ELMOD3: variants seen among roughly 807,000 people sequenced by gnomAD.
ELMOD3 encodes ELMO domain-containing protein 3.
ELMOD3 carries 36 observed loss-of-function variants against 47.4 expected under a neutral mutation model. That is an observed-to-expected ratio of 0.76 (90% confidence interval 0.58 to 1.00). ELMOD3 has a LOEUF of 1.00. Among genes scored for constraint, ELMOD3 ranks in the 50% least tolerant of loss-of-function variants. The pLI, the probability that ELMOD3 is intolerant of heterozygous loss-of-function variation, is 0.00. For synonymous variants in ELMOD3, 149 were observed against 183.5 expected, an observed-to-expected ratio of 0.81 and a Z score of 1.52; for missense variants, 404 against 463.8, an observed-to-expected ratio of 0.87 and a Z score of 1.18.
chr2:85,369,638 G>A (rs778271812), intron 7 of ELMOD3, 101 bp from the exon 8 acceptor site: 10 of 1,222,768 alleles, frequency 8.2e-6, no homozygotes, highest in Non-Finnish European at 1.2e-5. Flanking sequence ...TCAACTGGAA[G>A]CCAGTGCTTG....
chr2:85,367,339 C>G (rs1156231356), intron 6 of ELMOD3, among the ~76,000 whole-genome samples: 3 of 152,172 alleles, frequency 2.0e-5, no homozygotes, highest in Non-Finnish European at 4.4e-5. Flanking sequence ...GGAGCTGCAC[C>G]AGCAGGGGTT....
At chr2:85,366,731 T>C (rs1684414518) in intron 6 of ELMOD3, among the ~76,000 whole-genome samples, 1 of 152,366 alleles carries the variant, frequency 6.6e-6, no homozygotes, top group Non-Finnish European at 1.5e-5. Flanking sequence ...TCCCAGCCGC[T>C]TTCTCTTCCT....
chr2:85,372,180 TA>T (rs1334336351), intron 10 of ELMOD3: 3 of 150,460 alleles, frequency 2.0e-5, no homozygotes, highest in Non-Finnish European at 4.4e-5. Context: ...GAAAAAAAAT[TA>T]AAAATAAAAA....
At chr2:85,385,832 G>A (rs145200589) in intron 11 of ELMOD3, among the ~76,000 whole-genome samples, 171 of 152,196 alleles carry the variant, frequency 1.1e-3, no homozygotes, top group African/African-American at 4.0e-3. Context: ...TTCCAGTGAG[G>A]GCTTTTGTAG....
At chr2:85,387,038 AG>A in intron 11 of ELMOD3, 1 of 1,269,804 alleles carries the variant, frequency 7.9e-7, no homozygotes, top group Non-Finnish European at 1.0e-6. Context: ...ATGAACACTA[AG>A]TTCAGGTCCT....
At chr2:85,364,645 CTGAG>C (rs141003312) in intron 6 of ELMOD3, among the ~76,000 whole-genome samples, 2,547 of 151,212 alleles carry the variant, frequency 0.017, 25 homozygotes, top group Non-Finnish European at 0.023. Context: ...CCTTATCCTC[CTGAG>C]TATCTGGGAA....
chr2:85,364,388 A>C (rs1032230320), intron 6 of ELMOD3, among the ~76,000 whole-genome samples: 8 of 152,008 alleles, frequency 5.3e-5, no homozygotes, highest in African/African-American at 1.9e-4. Flanking sequence ...GTTCAAGACC[A>C]GCCTGACCAA....
intron 11 of ELMOD3, among the ~76,000 whole-genome samples, chr2:85,382,939 G>GAAA (rs58812415): frequency 8.4e-6 from 1 of 118,612 alleles, no homozygotes; most frequent in African/African-American, 2.9e-5. Flanking sequence ...CCAGAAGCAG[G>GAAA]AAAAAAAAAA....
intron 11 of ELMOD3, among the ~76,000 whole-genome samples, chr2:85,378,692 C>G (rs1237462970): frequency 6.6e-6 from 1 of 152,226 alleles, no homozygotes; most frequent in Non-Finnish European, 1.5e-5. Flanking sequence ...TAAGCAGTTC[C>G]TGGCTTGACA....
chr2:85,355,903 T>C (rs1269044550), intron 3 of ELMOD3: 1 of 152,238 alleles, frequency 6.6e-6, no homozygotes, highest in Non-Finnish European at 1.5e-5. Flanking sequence ...GGAGGTATTC[T>C]TCCTCTCAGT....
At chr2:85,386,785 C>A (rs528728292) in intron 11 of ELMOD3, among the ~76,000 whole-genome samples, 1 of 152,136 alleles carries the variant, frequency 6.6e-6, no homozygotes, top group African/African-American at 2.4e-5. Flanking sequence ...CACCTGAGGT[C>A]GGGAGGTCGA....
At chr2:85,386,905 A>C (rs1032048776) in intron 11 of ELMOD3, among the ~76,000 whole-genome samples, 7 of 152,146 alleles carry the variant, frequency 4.6e-5, no homozygotes, top group Non-Finnish European at 8.8e-5. Flanking sequence ...CGGGAGGCTA[A>C]GGCAGGAGAA....
In ELMOD3 at chr2:85,362,239, T is replaced by C. The variant is rs1471522092; in HGVS notation, c.108T>C (p.Val36=). ...YSPSYDKDKS[V]LAFRGIPISE... ...CATCATATGACAAGGACAAGAGTGT[T>C]CTGGCTTTCAGAGGAATCCCTGTAT... The change falls in exon 5 of 14, where the codon GTT becomes GTC. Residue 36 remains valine (V), a synonymous_variant. Transcript: ENST00000409013. The C allele has an allele frequency of 6.2e-7, 1 of 1,605,076 alleles. No homozygotes were observed. The highest frequency in any genetic ancestry group is 1.3e-5 in the African/African-American group (1 of 74,882).
intron 6 of ELMOD3, chr2:85,367,772 A>T (rs1684494977): frequency 6.6e-6 from 1 of 152,256 alleles, no homozygotes; most frequent in Admixed American, 6.5e-5. Context: ...ACAATTGTTA[A>T]GTGGAACTGT....
At chr2:85,368,413 T>C (rs1297221332) in intron 6 of ELMOD3, 3 of 435,352 alleles carry the variant, frequency 6.9e-6, no homozygotes, top group Non-Finnish European at 1.3e-5. Flanking sequence ...TCAGCATCAA[T>C]ATGGGGACCA....
intron 11 of ELMOD3, 124 bp downstream of exon 11, chr2:85,377,598 C>G: frequency 9.7e-7 from 1 of 1,025,682 alleles, no homozygotes; most frequent in Non-Finnish European, 1.4e-6. Flanking sequence ...GTCTGACCTG[C>G]ATTGAAATAT....
At chr2:85,371,637 T>G in intron 10 of ELMOD3, 75 bp downstream of exon 10, 1 of 1,589,264 alleles carries the variant, frequency 6.3e-7, no homozygotes, top group Non-Finnish European at 8.6e-7. Flanking sequence ...CAGGTCGTTC[T>G]CTTCCAGTGC....
chr2:85,377,268 C>G, intron 10 of ELMOD3, 76 bp from the exon 11 acceptor site: 1 of 1,375,990 alleles, frequency 7.3e-7, no homozygotes, highest in Non-Finnish European at 9.7e-7. Flanking sequence ...AGGCCAGTGT[C>G]AGGGCAGCTT....
chr2:85,389,660 T>C, intron 11 of ELMOD3, 91 bp from the exon 12 acceptor site: 1 of 979,256 alleles, frequency 1.0e-6, no homozygotes, highest in Non-Finnish European at 1.6e-6. Context: ...CCTCTGGGGC[T>C]GTGCTTGCCT....
Sources: allele counts gnomAD v4.1 joint callset (sites outside exome capture counted in the v4.1 genomes callset), GRCh38; gene constraint gnomAD v4.1.1; transcripts MANE v1.5; gene names NCBI Gene and HGNC (gene_info 2026-07-23, HGNC 2026-07-21).